The following TANC1 variants were observed in gnomAD, a reference collection of about 807,000 sequenced individuals.
TANC1 encodes tetratricopeptide repeat, ankyrin repeat and coiled-coil containing 1, also known as protein TANC1.
TANC1 carries 77 observed loss-of-function variants against 149.7 expected under a neutral mutation model. That is an observed-to-expected ratio of 0.51 (90% CI 0.43 to 0.62). The LOEUF is 0.62. TANC1 is among the 20% of genes least tolerant of loss of function. TANC1 has a pLI of 0.00. For missense variants in TANC1, 1,985 were observed against 2,321.8 expected, an observed-to-expected ratio of 0.85 and a Z score of 2.98; for synonymous variants, 854 against 925.0, an observed-to-expected ratio of 0.92 and a Z score of 1.39.
At chr2:159,199,274 T>C (rs948763601) in intron 19 of TANC1, among the ~76,000 whole-genome samples, 2 of 152,238 alleles carry the variant, frequency 1.3e-5, no homozygotes, top group Non-Finnish European at 2.9e-5. Flanking sequence ...ACTGATTATT[T>C]TGAATTAGAC....
intron 4 of TANC1, among the ~76,000 whole-genome samples, chr2:159,133,641 G>A (rs1011849822): frequency 7.0e-6 from 1 of 143,030 alleles, no homozygotes; most frequent in Non-Finnish European, 1.5e-5. Flanking sequence ...GCATATTTAT[G>A]TGTGGATATA....
At chr2:158,973,721 A>G (rs1041117356) in intron 1 of TANC1, among the ~76,000 whole-genome samples, 13 of 152,230 alleles carry the variant, frequency 8.5e-5, no homozygotes. Flanking sequence ...TAGCCAGGGC[A>G]GTGTACATTT....
At chr2:158,994,121 G>A (rs1397884007) in intron 1 of TANC1, among the ~76,000 whole-genome samples, 1 of 152,022 alleles carries the variant, frequency 6.6e-6, no homozygotes, top group South Asian at 2.1e-4. Flanking sequence ...AACTATCAAC[G>A]GATCCTAATC....
At position 159,163,236 on chromosome 2, in the gene TANC1, C is replaced by T. The variant is rs2054230034; in HGVS notation, c.683-47C>T. The T allele has an allele frequency of 2.5e-6, 4 of 1,581,886 alleles. No homozygotes were observed. The African/African-American group carries it at 4.1e-5, about 16-fold the overall frequency. ...GTGTGCATGTTTTAATTCTTCAGCCCCAGCTGTGCCTGGCCTCCTTCAAAG... is the reference window on the plus strand; with the variant it reads ...GTGTGCATGTTTTAATTCTTCAGCCTCAGCTGTGCCTGGCCTCCTTCAAAG... On this transcript the variant is annotated intron_variant, in intron 7 of 26. Coordinates refer to ENST00000263635, the MANE Select transcript of TANC1 (RefSeq NM_033394.3).
intron 16 of TANC1, among the ~76,000 whole-genome samples, chr2:159,187,326 T>G (rs1433087466): frequency 6.6e-6 from 1 of 152,228 alleles, no homozygotes; most frequent in Non-Finnish European, 1.5e-5. Flanking sequence ...CAGAGAGATT[T>G]CTAGGGAAAA....
intron 7 of TANC1, among the ~76,000 whole-genome samples, chr2:159,152,463 ATTTTTTTT>A (rs55894080): frequency 8.5e-6 from 1 of 118,156 alleles, no homozygotes; most frequent in Non-Finnish European, 1.8e-5. Context: ...TTATAACCAA[ATTTTTTTT>A]TTTTTTTTTT....
At position 159,104,229 on chromosome 2, in the gene TANC1, T is replaced by G. The variant is rs1215607232; in HGVS notation, c.259+6395T>G. Among the ~76,000 whole-genome samples, 9 of 96,282 alleles carry G rather than the reference T, an allele frequency of 9.3e-5. 3 individuals carry two copies. The highest frequency in any genetic ancestry group is 2.0e-4 in the African/African-American group (7 of 34,726). 63.2% of individuals were successfully genotyped at this position (96,282 alleles called of 152,430 possible). ...TGACGCACAGATTTTCTGTTGTACTTGAACATGTGTTCATACATAGAACCA... is the reference window on the plus strand; with the variant it reads ...TGACGCACAGATTTTCTGTTGTACTGGAACATGTGTTCATACATAGAACCA... On this transcript the variant is annotated intron_variant, in intron 4 of 26. Transcript: ENST00000263635.
chr2:159,195,821 G>A (rs936819537), intron 17 of TANC1, among the ~76,000 whole-genome samples: 1 of 152,232 alleles, frequency 6.6e-6, no homozygotes, highest in African/African-American at 2.4e-5. Flanking sequence ...AGGAGGCTGA[G>A]TGCTATGTCA....
chr2:159,076,823 G>A (rs747345298), intron 3 of TANC1, among the ~76,000 whole-genome samples: 29 of 152,112 alleles, frequency 1.9e-4, no homozygotes, highest in Non-Finnish European at 3.7e-4. Flanking sequence ...GTGTTTGTAC[G>A]TTAGTGGTTT....
chr2:159,185,603 A>G (rs889059236), intron 14 of TANC1, among the ~76,000 whole-genome samples, 188 bp from the exon 15 acceptor site: 2 of 152,124 alleles, frequency 1.3e-5, no homozygotes, highest in African/African-American at 4.8e-5. Context: ...AACACATTTG[A>G]GTGTTCACCA....
intron 1 of TANC1, among the ~76,000 whole-genome samples, chr2:158,985,226 C>T (rs1362120158): frequency 2.0e-5 from 3 of 152,148 alleles, no homozygotes; most frequent in Non-Finnish European, 4.4e-5. Flanking sequence ...GTAATCTTCA[C>T]AGAAAAACTT....
rs777052839 is a variant in TANC1 at position 159,179,086 on chromosome 2, G to A, written c.2433G>A (p.Met811Ile). The A allele has an allele frequency of 6.2e-7, 1 of 1,613,728 alleles. No homozygotes were observed. ...FLIKRRDKTR[M>I]FCHPSFREWL... Reference sequence around the variant, plus strand: ...TTAAGAGGCGAGACAAAACCCGCATGTTCTGCCACCCGTCCTTCAGGGAGT... The same window carrying A: ...TTAAGAGGCGAGACAAAACCCGCATATTCTGCCACCCGTCCTTCAGGGAGT... The change falls in exon 14 of 27, where the codon ATG becomes ATA. Residue 811 changes from methionine to isoleucine, a missense_variant. Transcript: ENST00000263635.
intron 1 of TANC1, among the ~76,000 whole-genome samples, chr2:158,982,672 G>A (rs1345436410): frequency 6.6e-6 from 1 of 152,220 alleles, no homozygotes; most frequent in Non-Finnish European, 1.5e-5. Flanking sequence ...CAGTGGCACA[G>A]TCTTGGCTCA....
chr2:158,971,054 G>C (rs2032805420), intron 1 of TANC1, among the ~76,000 whole-genome samples: 2 of 152,114 alleles, frequency 1.3e-5, no homozygotes. Context: ...AGAACATTTT[G>C]TCTCTTTAAC....
At chr2:159,039,549 G>T (rs1423404484) in intron 2 of TANC1, among the ~76,000 whole-genome samples, 2 of 152,140 alleles carry the variant, frequency 1.3e-5, no homozygotes, top group African/African-American at 4.8e-5. Context: ...CTGGTACGTT[G>T]TGTCTTTGTT....
chr2:159,176,585 A>G, intron 13 of TANC1, 67 bp downstream of exon 13: 2 of 1,256,044 alleles, frequency 1.6e-6, no homozygotes, highest in Non-Finnish European at 2.2e-6. Flanking sequence ...AATGTTAATA[A>G]CGTAAAACTG....
chr2:159,227,479 G>C (rs2060086656), intron 24 of TANC1: 1 of 253,548 alleles, frequency 3.9e-6, no homozygotes, highest in South Asian at 6.5e-5. Flanking sequence ...ATAGATTTGA[G>C]ATCATTCTTG....
At chr2:159,160,692 T>C (rs2053962701) in intron 7 of TANC1, among the ~76,000 whole-genome samples, 1 of 152,134 alleles carries the variant, frequency 6.6e-6, no homozygotes, top group Admixed American at 6.5e-5. Context: ...GGAGTGTCAA[T>C]GGAGTGGCTT....
intron 22 of TANC1, among the ~76,000 whole-genome samples, chr2:159,221,158 C>G (rs991631006): frequency 6.6e-6 from 1 of 152,022 alleles, no homozygotes; most frequent in Non-Finnish European, 1.5e-5. Flanking sequence ...CGAGATTAAG[C>G]GAACTTGAGG....
Sources: allele counts gnomAD v4.1 joint callset (sites outside exome capture counted in the v4.1 genomes callset), GRCh38; gene constraint gnomAD v4.1.1; transcripts MANE v1.5; gene names NCBI Gene and HGNC (gene_info 2026-07-23, HGNC 2026-07-21).